GALNTL6: variants seen among roughly 807,000 people sequenced by gnomAD.
GALNTL6 encodes the protein polypeptide N-acetylgalactosaminyltransferase like 6.
GALNTL6 carries 46 observed loss-of-function variants against 73.7 expected under a neutral mutation model. The ratio of observed to expected loss-of-function variants is 0.62; its 90% CI spans 0.49 to 0.80. The LOEUF (loss-of-function observed/expected upper bound fraction) is 0.80. Among genes scored for constraint, GALNTL6 ranks in the 30% least tolerant of loss-of-function variants. The pLI is 0.00. For missense variants in GALNTL6, 604 were observed against 755.0 expected (o/e 0.80, Z 2.34); for synonymous variants, 259 against 263.7 (o/e 0.98, Z 0.17).
chr4:171,971,808 C>T (rs1312532887), intron 2 of GALNTL6, among the ~76,000 whole-genome samples: 4 of 152,134 alleles, frequency 2.6e-5, no homozygotes, highest in African/African-American at 9.6e-5. Context: ...TAGCTAGCTG[C>T]CTTAAATTAA....
intron 2 of GALNTL6, among the ~76,000 whole-genome samples, chr4:172,105,428 A>C (rs968788386): frequency 6.6e-6 from 1 of 152,026 alleles, no homozygotes; most frequent in Admixed American, 6.6e-5. Flanking sequence ...GTGAGAAAAT[A>C]TTTACGGAGA....
chr4:172,758,206 C>T (rs1737861470), intron 5 of GALNTL6, among the ~76,000 whole-genome samples: 1 of 152,198 alleles, frequency 6.6e-6, no homozygotes, highest in Non-Finnish European at 1.5e-5. Context: ...AAAGACATTT[C>T]ACTGAACTTA....
At chr4:172,038,740 T>A (rs1028631177) in intron 2 of GALNTL6, among the ~76,000 whole-genome samples, 2 of 152,180 alleles carry the variant, frequency 1.3e-5, no homozygotes, top group African/African-American at 2.4e-5. Context: ...CTCCCAGTTA[T>A]GAATCCATGT....
At chr4:172,038,418 T>C (rs1249736230) in intron 2 of GALNTL6, among the ~76,000 whole-genome samples, 1 of 152,202 alleles carries the variant, frequency 6.6e-6, no homozygotes, top group Admixed American at 6.5e-5. Context: ...TCCAGTTTAA[T>C]ATATACACAT....
At chr4:171,966,029 G>A (rs1245382698) in intron 2 of GALNTL6, among the ~76,000 whole-genome samples, 1 of 152,160 alleles carries the variant, frequency 6.6e-6, no homozygotes, top group South Asian at 2.1e-4. Context: ...GGTGATCAGG[G>A]AGAAGGGTGT....
chr4:172,302,892 A>T lies in GALNTL6; in HGVS notation c.248-8722A>T, dbSNP rs62329870. ...TCATTTGTTATATAATCCTTGATTCATCCTTTTTCTGCTTTGTTGTTACAC... is the reference window on the plus strand; with the variant it reads ...TCATTTGTTATATAATCCTTGATTCTTCCTTTTTCTGCTTTGTTGTTACAC... On this transcript the variant is annotated intron_variant, in intron 3 of 12. Coordinates refer to ENST00000506823, the MANE Select transcript of GALNTL6 (RefSeq NM_001034845.3). Among the ~76,000 whole-genome samples, 704 of 152,012 alleles carry T rather than the reference A, an allele frequency of 4.6e-3. 6 individuals carry two copies. Among genetic ancestry groups the T allele is most frequent in the Middle Eastern group, 0.02 (6 of 294 alleles).
At chr4:172,814,732 C>A (rs1305171946) in intron 7 of GALNTL6, among the ~76,000 whole-genome samples, 1 of 152,082 alleles carries the variant, frequency 6.6e-6, no homozygotes, top group East Asian at 1.9e-4. Flanking sequence ...GTTTAAATTA[C>A]AATCAACATT....
At chr4:172,114,031 T>C (rs1039096627) in intron 2 of GALNTL6, among the ~76,000 whole-genome samples, 2 of 152,116 alleles carry the variant, frequency 1.3e-5, no homozygotes, top group Non-Finnish European at 2.9e-5. Flanking sequence ...ATTGAAGATT[T>C]AGCTGAAGAG....
intron 10 of GALNTL6, among the ~76,000 whole-genome samples, chr4:172,970,633 T>C (rs1371780769): frequency 6.6e-6 from 1 of 152,222 alleles, no homozygotes; most frequent in Non-Finnish European, 1.5e-5. Context: ...AAATTGCTGT[T>C]ATTCTGTTCT....
intron 3 of GALNTL6, among the ~76,000 whole-genome samples, chr4:172,259,601 C>G (rs921065081): frequency 2.0e-5 from 3 of 151,436 alleles, no homozygotes; most frequent in African/African-American, 7.3e-5. Flanking sequence ...TATACAGAAG[C>G]TTTTGAGTTT....
intron 5 of GALNTL6, among the ~76,000 whole-genome samples, chr4:172,657,025 T>C (rs1194832189): frequency 1.3e-5 from 2 of 152,170 alleles, no homozygotes; most frequent in African/African-American, 4.8e-5. Flanking sequence ...CTTTCATTAG[T>C]AAGAGAAAAA....
chr4:171,965,188 T>A (rs1187709953), intron 2 of GALNTL6, among the ~76,000 whole-genome samples: 1 of 152,218 alleles, frequency 6.6e-6, no homozygotes, highest in African/African-American at 2.4e-5. Context: ...AAATATTTGT[T>A]GAATCAAATT....
chr4:172,335,979 C>T (rs1741301659), intron 4 of GALNTL6, among the ~76,000 whole-genome samples: 1 of 152,062 alleles, frequency 6.6e-6, no homozygotes, highest in Non-Finnish European at 1.5e-5. Flanking sequence ...TTTTCTTCCA[C>T]TTGCTTCACG....
intron 8 of GALNTL6, among the ~76,000 whole-genome samples, chr4:172,929,484 T>C (rs962618489): frequency 6.6e-6 from 1 of 152,116 alleles, no homozygotes; most frequent in African/African-American, 2.4e-5. Flanking sequence ...GTCCACACGA[T>C]TGTGGAAGCT....
chr4:171,972,872 T>G lies in GALNTL6; in HGVS notation c.138+158154T>G, dbSNP rs1486144437. Among the ~76,000 whole-genome samples, 4 of 152,192 alleles carry G rather than the reference T, an allele frequency of 2.6e-5. No homozygotes were observed. In the East Asian group the frequency reaches 7.7e-4, roughly 29 times the overall value. ...GCAAAGTAATGTTCTACAGTAGATT[T>G]CTGGAAGCTATTTATCTGAATTACT... On this transcript the variant is annotated intron_variant, in intron 2 of 12. Coordinates refer to ENST00000506823, the MANE Select transcript of GALNTL6 (RefSeq NM_001034845.3).
chr4:172,271,223 A>G (rs1009036780), intron 3 of GALNTL6, among the ~76,000 whole-genome samples: 6 of 152,174 alleles, frequency 3.9e-5, no homozygotes, highest in African/African-American at 1.2e-4. Flanking sequence ...ACGTTGCCTC[A>G]CCAGAAATTA....
intron 2 of GALNTL6, among the ~76,000 whole-genome samples, chr4:172,077,677 A>C (rs549826148): frequency 2.0e-5 from 3 of 152,214 alleles, no homozygotes; most frequent in Admixed American, 2.0e-4. Context: ...GTTTGGAAAA[A>C]TTGAACCTAG....
At chr4:172,529,857 T>TTTTTA (rs1554032973) in intron 5 of GALNTL6, among the ~76,000 whole-genome samples, 21,307 of 136,880 alleles carry the variant, frequency 0.16, 2,104 homozygotes, top group African/African-American at 0.25. Flanking sequence ...GGCTAATTTA[T>TTTTTA]TTTTATTTTA....
chr4:172,352,854 T>C (rs756359314), intron 5 of GALNTL6, among the ~76,000 whole-genome samples: 2 of 152,122 alleles, frequency 1.3e-5, no homozygotes, highest in Admixed American at 1.3e-4. Flanking sequence ...AGTTGAATAT[T>C]TGAGTTTCAG....
Sources: gnomAD v4.1 joint callset for allele counts (sites outside exome capture counted in the v4.1 genomes callset) on GRCh38, gnomAD v4.1.1 for gene constraint, MANE v1.5 for transcripts, NCBI Gene and HGNC (gene_info 2026-07-23, HGNC 2026-07-21) for gene names.